FCRL2: variants seen among roughly 807,000 people sequenced by gnomAD.
FCRL2 encodes the protein Fc receptor like 2, also known as Fc receptor-like protein 2.
A neutral mutation model predicts 59.8 loss-of-function variants in FCRL2; 48 were observed. The ratio of observed to expected loss-of-function variants is 0.80; its 90% CI spans 0.64 to 1.02. The LOEUF (loss-of-function observed/expected upper bound fraction) is 1.02, where lower values mean the gene tolerates loss of function less well. Among genes scored for constraint, FCRL2 ranks in the 50% least tolerant of loss-of-function variants. FCRL2 has a pLI of 0.00. For missense variants in FCRL2, 658 were observed against 597.3 expected (o/e 1.10, Z -1.06); for synonymous variants, 251 against 229.5 (o/e 1.09, Z -0.85).
intron 2 of FCRL2, among the ~76,000 whole-genome samples, chr1:157,770,997 T>C (rs1253643710): frequency 6.6e-6 from 1 of 152,184 alleles, no homozygotes; most frequent in Non-Finnish European, 1.5e-5. Context: ...TGCCAACTTT[T>C]CGCTCTACCG....
In FCRL2 at chr1:157,760,708, AAAG is replaced by A. The variant is rs1179341778; in HGVS notation, c.1279+6144_1279+6146del. Among the ~76,000 whole-genome samples the A allele has an allele frequency of 2.2e-4, 26 of 118,262 alleles. 1 individual carries two copies. The highest frequency in any genetic ancestry group is 2.6e-4 in the Non-Finnish European group (15 of 57,042). The allele number at this position is 118,262 out of a possible 152,430, so 77.6% of individuals were successfully genotyped here. On this transcript the variant is annotated intron_variant, in intron 7 of 11. Transcript: ENST00000361516. ...GAAAGAAAGAAAGAAGGAAAGAAAG[AAAG>A]AAAGAAAGAAAGAAAGAAAGAAAGA...
intron 7 of FCRL2, among the ~76,000 whole-genome samples, chr1:157,757,786 C>A (rs12058825): frequency 0.018 from 2,687 of 152,218 alleles, 70 homozygotes; most frequent in African/African-American, 0.06. Flanking sequence ...CACAGTGAAA[C>A]CCCGTCTCTA....
chr1:157,776,705 A>C (rs1396962123), intron 1 of FCRL2, among the ~76,000 whole-genome samples: 1 of 152,228 alleles, frequency 6.6e-6, no homozygotes. Flanking sequence ...GTGTTCATGG[A>C]GGAGAAGGGC....
At chr1:157,763,845 A>G (rs544856623) in intron 7 of FCRL2, among the ~76,000 whole-genome samples, 2 of 152,216 alleles carry the variant, frequency 1.3e-5, no homozygotes, top group South Asian at 2.1e-4. Flanking sequence ...CCTGGCCAAC[A>G]TGGTGAAACC....
intron 7 of FCRL2, among the ~76,000 whole-genome samples, chr1:157,760,727 G>GA (rs1557860502): frequency 1.4e-5 from 2 of 144,048 alleles, no homozygotes; most frequent in Admixed American, 7.1e-5. Flanking sequence ...AAGAAAGAAA[G>GA]AAAGAAAGAA....
chr1:157,768,297 G>T, intron 5 of FCRL2, 117 bp downstream of exon 5: 2 of 1,041,358 alleles, frequency 1.9e-6, no homozygotes, highest in Non-Finnish European at 2.8e-6. Flanking sequence ...TTTTCAAATT[G>T]CTTTTGGTTC....
chr1:157,753,232 G>C (rs1409739716), intron 7 of FCRL2, among the ~76,000 whole-genome samples: 1 of 152,090 alleles, frequency 6.6e-6, no homozygotes, highest in Non-Finnish European at 1.5e-5. Context: ...ACTCAGTCCT[G>C]ATACTACTCA....
At chr1:157,766,480 A>T in intron 7 of FCRL2, 1 of 204,632 alleles carries the variant, frequency 4.9e-6, no homozygotes, top group Non-Finnish European at 9.7e-6. Context: ...CAAAAAAAAA[A>T]AAATTTTTTT....
chr1:157,770,746 A>C, intron 2 of FCRL2, 80 bp from the exon 3 acceptor site: 2 of 1,468,352 alleles, frequency 1.4e-6, no homozygotes, highest in Non-Finnish European at 1.9e-6. Flanking sequence ...AGGTGGTCTC[A>C]GGCATAGCCT....
At chr1:157,758,670 C>A (rs1648781809) in intron 7 of FCRL2, among the ~76,000 whole-genome samples, 1 of 84,630 alleles carries the variant, frequency 1.2e-5, no homozygotes, top group African/African-American at 4.6e-5. Flanking sequence ...ATAGCCAAAG[C>A]AGTCCCAAGC....
chr1:157,758,934 T>C (rs1464103663), intron 7 of FCRL2, among the ~76,000 whole-genome samples: 1 of 152,198 alleles, frequency 6.6e-6, no homozygotes, highest in Non-Finnish European at 1.5e-5. Context: ...CAACTCAAGA[T>C]GGATCAAATT....
intron 4 of FCRL2, 158 bp downstream of exon 4, chr1:157,769,708 T>C (rs954909676): frequency 2.7e-6 from 2 of 754,250 alleles, no homozygotes; most frequent in Non-Finnish European, 4.2e-6. Flanking sequence ...ATTACAGGCG[T>C]GAGCCACCGC....
intron 7 of FCRL2, among the ~76,000 whole-genome samples, chr1:157,751,546 GATACGGTC>G (rs1459276589): frequency 6.6e-6 from 1 of 152,214 alleles, no homozygotes; most frequent in Non-Finnish European, 1.5e-5. Flanking sequence ...TTTCAGGGGA[GATACGGTC>G]ATCTGCCTGA....
chr1:157,763,026 T>G (rs1649221567), intron 7 of FCRL2, among the ~76,000 whole-genome samples: 1 of 152,172 alleles, frequency 6.6e-6, no homozygotes, highest in Non-Finnish European at 1.5e-5. Flanking sequence ...AAAGTTAGGT[T>G]TGAGGCTTGG....
Position 157,749,656 on chromosome 1 carries a change from TCATTAGTG to T in FCRL2, c.1293_1300del (p.Asn433GlnfsTer99), listed in dbSNP as rs770334300. On this transcript the variant is annotated frameshift_variant, in exon 8 of 12. Transcript: ENST00000361516. LOFTEE classifies it high-confidence loss of function. The stretch of plus-strand genomic sequence containing the variant: ...TACTAGGAAGAGTTCTCACCTGGGT[TCATTAGTG>T]GCAGAACTTTCTCCTGAAATGCAAA... 9.3e-6 allele frequency: 15 copies of T among 1,608,944 alleles called. No individual in the cohort carries two copies. In the South Asian group the frequency reaches 1.2e-4, roughly 13 times the overall value.
intron 7 of FCRL2, among the ~76,000 whole-genome samples, chr1:157,752,634 T>G (rs1648280225): frequency 6.6e-6 from 1 of 152,142 alleles, no homozygotes; most frequent in Non-Finnish European, 1.5e-5. Context: ...AAAATTAAAT[T>G]TTATGGTTGC....
rs200403779 is a variant in FCRL2 at position 157,754,965 on chromosome 1, C to CA, written c.1280-5289dup. On this transcript the variant is annotated intron_variant, in intron 7 of 11. Coordinates refer to ENST00000361516, the MANE Select transcript of FCRL2 (RefSeq NM_030764.4). Reference sequence around the variant, plus strand: ...TAGGTGACAGAGAGAGACTCTGTCTCAAAAAAAAAAGAAAAGAAAAGAAAA... The same window carrying CA: ...TAGGTGACAGAGAGAGACTCTGTCTCAAAAAAAAAAAGAAAAGAAAAGAAAA... Among the ~76,000 whole-genome samples the CA allele has an allele frequency of 8.2e-3, 1,105 of 134,138 alleles. 37 individuals are homozygous for CA. The highest frequency in any genetic ancestry group is 0.078 in the East Asian group (375 of 4,778). The allele number at this position is 134,138 out of a possible 152,430, so 88.0% of individuals were successfully genotyped here.
chr1:157,749,608 G>T (rs1335409928), intron 8 of FCRL2, 42 bp downstream of exon 8: 3 of 1,482,352 alleles, frequency 2.0e-6, no homozygotes, highest in Non-Finnish European at 1.9e-6. Flanking sequence ...CTGAATGAAG[G>T]AGACCTCTAG....
intron 1 of FCRL2, among the ~76,000 whole-genome samples, 182 bp from the exon 2 acceptor site, chr1:157,775,977 T>A (rs1246824580): frequency 6.6e-6 from 1 of 152,236 alleles, no homozygotes; most frequent in Non-Finnish European, 1.5e-5. Context: ...TGTCATTCAT[T>A]GTAGTCAAAA....
Sources: gnomAD v4.1 joint callset for allele counts (sites outside exome capture counted in the v4.1 genomes callset) on GRCh38, gnomAD v4.1.1 for gene constraint, MANE v1.5 for transcripts, NCBI Gene and HGNC (gene_info 2026-07-23, HGNC 2026-07-21) for gene names.